Variants in SHANK2 observed in about 807,000 individuals in gnomAD.
SHANK2 encodes SH3 and multiple ankyrin repeat domains protein 2.
In SHANK2, 43 loss-of-function variants were observed where a neutral mutation model predicts 133.7. The observed-to-expected ratio is 0.32, with a 90% CI of 0.25 to 0.41. The LOEUF (loss-of-function observed/expected upper bound fraction) is 0.41. Among genes scored for constraint, SHANK2 ranks in the 10% least tolerant of loss-of-function variants. The probability of loss-of-function intolerance (pLI) is 1.00; values close to 1 mark genes in which losing one functional copy is unlikely to be tolerated. For synonymous variants in SHANK2, 1,017 were observed against 952.8 expected (o/e 1.07, Z -1.24); for missense variants, 1,994 against 2,235.8 (o/e 0.89, Z 2.18).
intron 17 of SHANK2, among the ~76,000 whole-genome samples, chr11:70,515,626 C>A (rs1265225194): frequency 7.4e-6 from 1 of 134,540 alleles, no homozygotes; most frequent in Admixed American, 7.8e-5. Context: ...CATAGTGAGA[C>A]CTCGTTCCTT....
intron 4 of SHANK2, among the ~76,000 whole-genome samples, chr11:71,114,818 T>C (rs544651857): frequency 6.6e-6 from 1 of 152,206 alleles, no homozygotes; most frequent in East Asian, 1.9e-4. Flanking sequence ...CTCATGATCA[T>C]GTGGCTAAGC....
intron 2 of SHANK2, among the ~76,000 whole-genome samples, chr11:71,219,150 T>A (rs1446078847): frequency 6.6e-6 from 1 of 152,238 alleles, no homozygotes; most frequent in Non-Finnish European, 1.5e-5. Flanking sequence ...AAAAGTGGCA[T>A]GGTTCTAGGC....
intron 10 of SHANK2, among the ~76,000 whole-genome samples, chr11:70,915,185 G>A (rs944004460): frequency 2.0e-5 from 3 of 152,014 alleles, no homozygotes; most frequent in South Asian, 2.1e-4. Flanking sequence ...TCAAAAATAC[G>A]GATGCCTTCT....
At chr11:70,843,672 A>G (rs1250541489) in intron 11 of SHANK2, among the ~76,000 whole-genome samples, 1 of 151,810 alleles carries the variant, frequency 6.6e-6, no homozygotes, top group Non-Finnish European at 1.5e-5. Flanking sequence ...CGACACCTTG[A>G]TCTCGAGCTC....
chr11:70,608,979 C>G (rs983629084), intron 17 of SHANK2, among the ~76,000 whole-genome samples: 1 of 152,254 alleles, frequency 6.6e-6, no homozygotes, highest in African/African-American at 2.4e-5. Flanking sequence ...GCTCGCTCCT[C>G]GCTTAGCCAT....
intron 17 of SHANK2, among the ~76,000 whole-genome samples, chr11:70,640,287 CA>C (rs1186936430): frequency 1.3e-5 from 2 of 152,170 alleles, no homozygotes; most frequent in African/African-American, 2.4e-5. Flanking sequence ...AAGAGAGAGG[CA>C]GGGGGAGATT....
intron 17 of SHANK2, among the ~76,000 whole-genome samples, chr11:70,596,643 G>A (rs951920556): frequency 6.6e-6 from 1 of 152,214 alleles, no homozygotes; most frequent in Non-Finnish European, 1.5e-5. Flanking sequence ...CCAGTGCAGC[G>A]CAGGGACTGG....
chr11:70,789,215 A>C (rs1465512835), intron 14 of SHANK2, among the ~76,000 whole-genome samples: 1 of 152,176 alleles, frequency 6.6e-6, no homozygotes, highest in Non-Finnish European at 1.5e-5. Context: ...AGCGGGGATC[A>C]TAAAGGCACC....
At chr11:70,615,978 T>G (rs2060736208) in intron 17 of SHANK2, among the ~76,000 whole-genome samples, 1 of 152,110 alleles carries the variant, frequency 6.6e-6, no homozygotes, top group Admixed American at 6.5e-5. Flanking sequence ...CTGAGAGGGC[T>G]GCTGAGGAAG....
chr11:71,073,251 C>CGGGTTCAAGCAAT (rs1267230965), intron 9 of SHANK2, among the ~76,000 whole-genome samples: 1 of 147,818 alleles, frequency 6.8e-6, no homozygotes, highest in African/African-American at 2.5e-5. Context: ...CTCCGCCTCC[C>CGGGTTCAAGCAAT]GGGTTCAAGC....
chr11:70,661,428 C>T (rs2061486426), intron 16 of SHANK2, among the ~76,000 whole-genome samples, 168 bp downstream of exon 16: 1 of 151,834 alleles, frequency 6.6e-6, no homozygotes, highest in South Asian at 2.1e-4. Context: ...TGTCTAGCAA[C>T]TGAGTGCCCC....
At chr11:70,916,710 G>C (rs1007873143) in intron 10 of SHANK2, among the ~76,000 whole-genome samples, 1 of 152,192 alleles carries the variant, frequency 6.6e-6, no homozygotes, top group Non-Finnish European at 1.5e-5. Context: ...TGTCTGAAGA[G>C]AGGCTTGCAA....
At chr11:70,478,457 T>G (rs1258696995) in intron 25 of SHANK2, among the ~76,000 whole-genome samples, 1 of 152,236 alleles carries the variant, frequency 6.6e-6, no homozygotes, top group Non-Finnish European at 1.5e-5. Flanking sequence ...CGCACGCCTC[T>G]GCATTTTAGT....
rs552397036 is a variant in SHANK2, at chr11:71,252,089, C to T, written c.-113+336G>A. Among the ~76,000 whole-genome samples the T allele has an allele frequency of 7.3e-4, 110 of 150,026 alleles. No homozygotes were observed. In the Middle Eastern group the frequency reaches 0.02, roughly 28 times the overall value. On this transcript the variant is annotated intron_variant, in intron 1 of 25. Coordinates refer to ENST00000601538, the MANE Select transcript of SHANK2 (RefSeq NM_012309.5). This position sits in a 1 kb window ranked among gnomAD's most constrained non-coding sequence, Gnocchi z 6.3. ...AAGGGGCAGGACGCGCCAGAGACTA[C>T]GTGGTCCATGCGCGCAGGAGATAAA...
chr11:70,638,217 A>G (rs1002425395), intron 17 of SHANK2, among the ~76,000 whole-genome samples: 23 of 152,244 alleles, frequency 1.5e-4, no homozygotes, highest in Non-Finnish European at 2.2e-4. Context: ...CAGGCTCGGC[A>G]TAGAATGAGA....
chr11:70,543,420 G>A (rs1446010608), intron 17 of SHANK2, among the ~76,000 whole-genome samples: 9 of 152,178 alleles, frequency 5.9e-5, no homozygotes, highest in Non-Finnish European at 1.3e-4. Flanking sequence ...AGGGAGGAGA[G>A]AGAGAGGCTG....
At chr11:70,930,176 A>G (rs569661837) in intron 10 of SHANK2, among the ~76,000 whole-genome samples, 1 of 152,354 alleles carries the variant, frequency 6.6e-6, no homozygotes, top group East Asian at 1.9e-4. Flanking sequence ...TCTTGGTTCC[A>G]ATCATTCAAT....
rs567073988 is a variant in SHANK2 at position 71,145,234 on chromosome 11, C to T, written c.207+1886G>A. On this transcript the variant is annotated intron_variant, in intron 3 of 25. Coordinates refer to ENST00000601538, the MANE Select transcript of SHANK2 (RefSeq NM_012309.5). ...CTAATCTTTTGGCTTCTCTGGGCCA[C>T]ACTGGAAGAAGAACCGTCTTGCGCT... Among the ~76,000 whole-genome samples the T allele has an allele frequency of 1.8e-4, 28 of 152,240 alleles. No individual in the cohort carries two copies. The East Asian group carries it at 5.4e-3, about 29-fold the overall frequency.
chr11:70,629,114 C>T lies in SHANK2; in HGVS notation c.2061+30714G>A, dbSNP rs193226820. 5.7e-4 allele frequency among the ~76,000 whole-genome samples: 87 copies of T among 152,282 alleles called. 1 individual carries two copies. Among genetic ancestry groups the T allele is most frequent in the Admixed American group, 4.2e-3 (64 of 15,302 alleles). On this transcript the variant is annotated intron_variant, in intron 17 of 25. Coordinates refer to ENST00000601538, the MANE Select transcript of SHANK2 (RefSeq NM_012309.5). Reference sequence around the variant, plus strand: ...CTGCAGCCTGAATTCAGTGGGGAAACGCGCCCCGGGCACCCTCCCTCCTCT... The same window carrying T: ...CTGCAGCCTGAATTCAGTGGGGAAATGCGCCCCGGGCACCCTCCCTCCTCT...
Sources: allele counts gnomAD v4.1 joint callset (sites outside exome capture counted in the v4.1 genomes callset), GRCh38; gene constraint gnomAD v4.1.1; non-coding constraint Gnocchi (gnomAD v3.1); transcripts MANE v1.5; gene names NCBI Gene and HGNC (gene_info 2026-07-23, HGNC 2026-07-21).